Variants in ITPR1 observed in about 807,000 individuals in gnomAD.
The protein encoded by ITPR1 is inositol 1,4,5-trisphosphate receptor type 1.
ITPR1 carries 96 observed loss-of-function variants against 318.4 expected under a neutral mutation model. The observed-to-expected ratio is 0.30, with a 90% CI of 0.26 to 0.36. The LOEUF is 0.36. Among genes scored for constraint, ITPR1 ranks in the 10% least tolerant of loss-of-function variants. The pLI is 1.00. For missense variants in ITPR1, 2,440 were observed against 3,460.2 expected (o/e 0.71, Z 7.40); for synonymous variants, 1,312 against 1,289.9 (o/e 1.02, Z -0.37).
intron 44 of ITPR1, among the ~76,000 whole-genome samples, chr3:4,756,562 A>C (rs1483690170): frequency 6.6e-6 from 1 of 152,036 alleles, no homozygotes; most frequent in Non-Finnish European, 1.5e-5. Flanking sequence ...GCTCCCACTT[A>C]TACGCCAGAA....
chr3:4,718,220 A>G (rs2041910752), intron 40 of ITPR1, among the ~76,000 whole-genome samples: 1 of 152,238 alleles, frequency 6.6e-6, no homozygotes, highest in African/African-American at 2.4e-5. Context: ...AATTTGAGGA[A>G]TTCATGTACA....
At chr3:4,768,399 T>C (rs1310428935) in intron 45 of ITPR1, 112 bp from the exon 46 acceptor site, 3 of 1,287,100 alleles carry the variant, frequency 2.3e-6, no homozygotes, top group Non-Finnish European at 2.1e-6. Flanking sequence ...TTTGCCAACT[T>C]TGAACGTCTC....
intron 4 of ITPR1, among the ~76,000 whole-genome samples, chr3:4,532,671 G>A (rs138763386): frequency 1.3e-5 from 2 of 152,050 alleles, no homozygotes; most frequent in African/African-American, 2.4e-5. Flanking sequence ...GCACCCTGCC[G>A]AGATTCTACA....
At chr3:4,681,122 C>A (rs990615797) in intron 25 of ITPR1, among the ~76,000 whole-genome samples, 1 of 152,064 alleles carries the variant, frequency 6.6e-6, no homozygotes, top group Admixed American at 6.5e-5. Flanking sequence ...CCCAAGCTTC[C>A]ATGAGTGAGA....
At chr3:4,758,650 G>C (rs771308860) in intron 44 of ITPR1, among the ~76,000 whole-genome samples, 86 of 152,336 alleles carry the variant, frequency 5.6e-4, no homozygotes, top group Non-Finnish European at 1.1e-3. Context: ...TACACAGTTT[G>C]ATTAGGACTG....
intron 39 of ITPR1, among the ~76,000 whole-genome samples, chr3:4,716,929 C>T (rs1377053248): frequency 2.6e-5 from 4 of 152,160 alleles, no homozygotes; most frequent in South Asian, 2.1e-4. Flanking sequence ...TTCTGACCCC[C>T]GACTGAGTCA....
At chr3:4,837,613 T>A (rs1213698743) in intron 61 of ITPR1, among the ~76,000 whole-genome samples, 2 of 152,048 alleles carry the variant, frequency 1.3e-5, no homozygotes, top group African/African-American at 4.8e-5. Context: ...CGGGCAGTAC[T>A]GTGGGCAGAA....
At chr3:4,797,246 T>C (rs1345434438) in intron 53 of ITPR1, among the ~76,000 whole-genome samples, 5 of 151,932 alleles carry the variant, frequency 3.3e-5, no homozygotes, top group South Asian at 2.1e-4. Flanking sequence ...TTTTTTCCTT[T>C]TGTAAGATGC....
At chr3:4,648,925 G>A (rs1457100727) in intron 10 of ITPR1, among the ~76,000 whole-genome samples, 1 of 152,198 alleles carries the variant, frequency 6.6e-6, no homozygotes, top group Admixed American at 6.5e-5. Context: ...AAAACTTGTT[G>A]TTTGCAAAAG....
At chr3:4,610,951 T>TCCCCTTC (rs2092049399) in intron 4 of ITPR1, among the ~76,000 whole-genome samples, 1 of 56,934 alleles carries the variant, frequency 1.8e-5, no homozygotes, top group African/African-American at 8.2e-5. Flanking sequence ...CTCTTCCCCT[T>TCCCCTTC]CCCCTTCCCC....
At chr3:4,735,442 A>C (rs1452775103) in intron 44 of ITPR1, 88 bp downstream of exon 44, 2 of 1,153,476 alleles carry the variant, frequency 1.7e-6, no homozygotes, top group African/African-American at 3.1e-5. Flanking sequence ...GGTGGTACCA[A>C]GCCTTGTTTG....
chr3:4,803,147 C>G (rs1204917755), intron 54 of ITPR1, among the ~76,000 whole-genome samples: 5 of 152,304 alleles, frequency 3.3e-5, no homozygotes, highest in African/African-American at 1.2e-4. Flanking sequence ...TGGGGAGGCG[C>G]TACACGCTTT....
intron 52 of ITPR1, among the ~76,000 whole-genome samples, chr3:4,792,345 C>G (rs553962873): frequency 6.6e-6 from 1 of 152,314 alleles, no homozygotes; most frequent in East Asian, 1.9e-4. Context: ...ATTTGGCTGC[C>G]ACAGAAAGTA....
At chr3:4,703,558 G>A (rs1255254811) in intron 36 of ITPR1, among the ~76,000 whole-genome samples, 2 of 152,122 alleles carry the variant, frequency 1.3e-5, no homozygotes, top group Non-Finnish European at 2.9e-5. Context: ...GTGCAAAGAG[G>A]TAAGCTTCCT....
chr3:4,645,878 A>T, intron 10 of ITPR1, 150 bp downstream of exon 10: 1 of 694,396 alleles, frequency 1.4e-6, no homozygotes. Flanking sequence ...ACACACACAG[A>T]ATACATGTGT....
rs548283438 is a variant in ITPR1, at chr3:4,812,520, A to G, written c.7469-622A>G. Among the ~76,000 whole-genome samples, 129 of 152,328 alleles carry G rather than the reference A, an allele frequency of 8.5e-4. 3 individuals are homozygous for G. In the South Asian group the frequency reaches 0.023, roughly 28 times the overall value. Reference sequence around the variant, plus strand: ...AGATTTCCAATTCTGAGAGTGAAAAAAAATGACCATAATACTTGAATGGTA... The same window carrying G: ...AGATTTCCAATTCTGAGAGTGAAAAGAAATGACCATAATACTTGAATGGTA... On this transcript the variant is annotated intron_variant, in intron 56 of 61. Coordinates refer to ENST00000649015, the MANE Select transcript of ITPR1 (RefSeq NM_001378452.1).
intron 2 of ITPR1, among the ~76,000 whole-genome samples, chr3:4,506,506 AT>A (rs1416787472): frequency 1.3e-5 from 2 of 151,944 alleles, no homozygotes; most frequent in Non-Finnish European, 2.9e-5. Flanking sequence ...ACCAGTTTTA[AT>A]TTTTTGCATA....
chr3:4,736,518 C>T (rs1479896628), intron 44 of ITPR1, among the ~76,000 whole-genome samples: 5 of 152,234 alleles, frequency 3.3e-5, no homozygotes, highest in South Asian at 2.1e-4. Flanking sequence ...TTCCAATCCC[C>T]GCTTCCCCCA....
chr3:4,616,528 A>G (rs534393382), intron 4 of ITPR1, among the ~76,000 whole-genome samples: 2 of 152,192 alleles, frequency 1.3e-5, no homozygotes, highest in Non-Finnish European at 1.5e-5. Context: ...TCCCATTTTC[A>G]TATTCACTGC....
Sources: gnomAD v4.1 joint callset for allele counts (sites outside exome capture counted in the v4.1 genomes callset) on GRCh38, gnomAD v4.1.1 for gene constraint, MANE v1.5 for transcripts, NCBI Gene and HGNC (gene_info 2026-07-23, HGNC 2026-07-21) for gene names.